Variants in KDM1B observed in about 807,000 individuals in gnomAD.
The protein encoded by KDM1B is lysine demethylase 1B, also known as lysine-specific histone demethylase 2.
KDM1B carries 63 observed loss-of-function variants against 107.4 expected under a neutral mutation model. The ratio of observed to expected loss-of-function variants is 0.59; its 90% CI spans 0.48 to 0.72. The LOEUF is 0.72. Among genes scored for constraint, KDM1B ranks in the 30% least tolerant of loss-of-function variants. The pLI is 0.00. For missense variants in KDM1B, 749 were observed against 1,020.8 expected, an observed-to-expected ratio of 0.73 and a Z score of 3.63; for synonymous variants, 363 against 363.9, an observed-to-expected ratio of 1.00 and a Z score of 0.03.
At chr6:18,165,087 T>C (rs1785206638) in intron 5 of KDM1B, among the ~76,000 whole-genome samples, 2 of 151,736 alleles carry the variant, frequency 1.3e-5, no homozygotes, top group South Asian at 4.2e-4. Context: ...GTTTTCCATA[T>C]GGTGCATTTT....
At chr6:18,221,093 C>T (rs1582233110) in intron 21 of KDM1B, among the ~76,000 whole-genome samples, 1 of 151,980 alleles carries the variant, frequency 6.6e-6, no homozygotes, top group Non-Finnish European at 1.5e-5. Flanking sequence ...ACTTTCTCCC[C>T]CCACTAGTCA....
rs1786983964 is a variant in KDM1B, at chr6:18,187,922, C to G, written c.704C>G (p.Thr235Ser). ...PDCVGMSPSC[T>S]STNRAAATGN... ...TGTGTTGGCATGAGCCCCTCCTGCA[C>G]CAGCACAAACCGCGCCGCTGCCACT... Residue 235 changes from threonine to serine, a missense_variant, in exon 9 of 22, where the codon ACC becomes AGC. By Grantham distance (58) the Thr-to-Ser change is moderately conservative. Coordinates refer to ENST00000650836, the MANE Select transcript of KDM1B (RefSeq NM_001364614.2). The G allele has an allele frequency of 6.5e-7, 1 of 1,550,328 alleles. No homozygotes were observed.
At position 18,213,629 on chromosome 6, in the gene KDM1B, A is replaced by AC. The variant is rs746066689; in HGVS notation, c.1984-25dup. On this transcript the variant is annotated intron_variant, in intron 18 of 21. Coordinates refer to ENST00000650836, the MANE Select transcript of KDM1B (RefSeq NM_001364614.2). The surrounding 1 kb of genome is among the most constrained non-coding windows in gnomAD (Gnocchi z 5.9). Reference sequence around the variant, plus strand: ...GTGGTTTTGTGACGACAGACACCTAACCACCTTTCTTCTGCTCACTTTGCA... The same window carrying AC: ...GTGGTTTTGTGACGACAGACACCTAACCCACCTTTCTTCTGCTCACTTTGCA... 6 of 1,613,464 alleles carry AC rather than the reference A, an allele frequency of 3.7e-6. No homozygotes were observed. The South Asian group carries it at 5.5e-5, about 15-fold the overall frequency.
At chr6:18,169,925 T>G (rs753186192) in intron 6 of KDM1B, among the ~76,000 whole-genome samples, 6 of 152,142 alleles carry the variant, frequency 3.9e-5, no homozygotes, top group South Asian at 2.1e-4. Context: ...TATTTATTTT[T>G]TTGAGACAGA....
At chr6:18,188,327 T>G (rs2150920838) in intron 9 of KDM1B, among the ~76,000 whole-genome samples, 1 of 152,294 alleles carries the variant, frequency 6.6e-6, no homozygotes, top group Non-Finnish European at 1.5e-5. Flanking sequence ...AGTCACATCA[T>G]TTGTGTATAG....
chr6:18,201,567 A>G lies in KDM1B; in HGVS notation c.1441A>G (p.Lys481Glu). The G allele has an allele frequency of 2.6e-6, 4 of 1,550,208 alleles. No homozygotes were observed. Among genetic ancestry groups the G allele is most frequent in the Non-Finnish European group, 3.5e-6 (4 of 1,146,592 alleles). ...AAGAATAACTGACCCCACTATTGAC[A>G]AGCGCATGGATTTTCATTTTAATGC... ...GGRITDPTIDKRMDFHFNALL... is the reference protein window; with the variant it reads ...GGRITDPTIDERMDFHFNALL... The change falls in exon 14 of 22, where the codon AAG becomes GAG. Residue 481 changes from lysine (K) to glutamate (E), a missense_variant. Lys to Glu is a moderately conservative substitution (Grantham distance 56). Transcript: ENST00000650836. The surrounding 1 kb of genome is among the most constrained non-coding windows in gnomAD (Gnocchi z 4.3).
At chr6:18,171,034 A>T (rs900292639) in intron 6 of KDM1B, among the ~76,000 whole-genome samples, 5 of 152,028 alleles carry the variant, frequency 3.3e-5, no homozygotes, top group Middle Eastern at 3.4e-3. Flanking sequence ...GTTAGCCAGG[A>T]TGGTCTGGAT....
chr6:18,212,191 C>T lies in KDM1B; in HGVS notation c.1867-297C>T, dbSNP rs1219360833. The T allele has an allele frequency of 1.1e-5, 3 of 284,958 alleles. No homozygotes were observed. The highest frequency in any genetic ancestry group is 4.3e-5 in the South Asian group (1 of 23,274). 17.7% of individuals were successfully genotyped at this position (284,958 alleles called of 1,614,324 possible). A position where few individuals can be genotyped will look rare whatever the true frequency, so the allele number is the denominator to read the frequency against. ...AACTCCTGACCTCAGGTGATCCACC[C>T]GCCTCGGCCTCTCAAAGTGCTGGGA... On this transcript the variant is annotated intron_variant, in intron 17 of 21. Coordinates refer to ENST00000650836, the MANE Select transcript of KDM1B (RefSeq NM_001364614.2). This position sits in a 1 kb window ranked among gnomAD's most constrained non-coding sequence, Gnocchi z 5.2.
intron 7 of KDM1B, among the ~76,000 whole-genome samples, chr6:18,183,050 A>G (rs979405780): frequency 1.3e-5 from 2 of 152,140 alleles, no homozygotes; most frequent in Non-Finnish European, 2.9e-5. Flanking sequence ...CTATTGTTTT[A>G]ATGTGAAATA....
intron 6 of KDM1B, among the ~76,000 whole-genome samples, chr6:18,170,589 TCTCACCTCAGCCTC>T (rs1315498505): frequency 1.3e-5 from 2 of 151,754 alleles, no homozygotes; most frequent in Admixed American, 1.3e-4. Context: ...CAAGCCATCC[TCTCACCTCAGCCTC>T]CTGAGTAGCT....
chr6:18,187,167 G>A (rs1200231969), intron 8 of KDM1B, among the ~76,000 whole-genome samples: 1 of 152,102 alleles, frequency 6.6e-6, no homozygotes, highest in Non-Finnish European at 1.5e-5. Flanking sequence ...AGAAGGCTCT[G>A]ATTTGATGAC....
chr6:18,161,423 T>C lies in KDM1B; in HGVS notation c.184T>C (p.Cys62Arg), dbSNP rs1310049200. ...TGAAAAGGCAGGCTGTACGGCAACA[T>C]GTCCTGTGTGCTTTGCAAGTGCTTC... ...KCEKAGCTAT[C>R]PVCFASASER... The change falls in exon 4 of 22, where the codon TGT becomes CGT. Residue 62 changes from cysteine to arginine, a missense_variant. Coordinates refer to ENST00000650836, the MANE Select transcript of KDM1B (RefSeq NM_001364614.2). 1.2e-6 allele frequency: 2 copies of C among 1,614,118 alleles called. No homozygotes were observed. The highest frequency in any genetic ancestry group is 1.1e-5 in the South Asian group (1 of 91,078).
chr6:18,196,029 C>G (rs1195134608), intron 10 of KDM1B, among the ~76,000 whole-genome samples: 3 of 152,108 alleles, frequency 2.0e-5, no homozygotes, highest in Non-Finnish European at 4.4e-5. Flanking sequence ...ATTCTACTTT[C>G]TGCTTCTGTG....
rs1784845550 is a variant in KDM1B, at chr6:18,159,712, A to G, written c.-13-171A>G. On this transcript the variant is annotated intron_variant, in intron 2 of 21. Transcript: ENST00000650836. This position sits in a 1 kb window ranked among gnomAD's most constrained non-coding sequence, Gnocchi z 4.5. Reference sequence around the variant, plus strand: ...CGCTTGAGCCCAGGAGTTCCAGGCTAGCCTGGGCAACATGGCAAGAATGTC... The same window carrying G: ...CGCTTGAGCCCAGGAGTTCCAGGCTGGCCTGGGCAACATGGCAAGAATGTC... Among the ~76,000 whole-genome samples, 1 of 152,204 alleles carries G rather than the reference A, an allele frequency of 6.6e-6. No homozygotes were observed. Among genetic ancestry groups the G allele is most frequent in the African/African-American group, 2.4e-5 (1 of 41,464 alleles).
At position 18,200,422 on chromosome 6, in the gene KDM1B, A is replaced by T. The variant is rs373889508; in HGVS notation, c.1222-17A>T. Reference sequence around the variant, plus strand: ...TCTTGTGTCCTATTTAGCTTCCCTGACTGTCTGTCTTTTTAGGTGACTGTC... The same window carrying T: ...TCTTGTGTCCTATTTAGCTTCCCTGTCTGTCTGTCTTTTTAGGTGACTGTC... On this transcript the variant is annotated splice_polypyrimidine_tract_variant and intron_variant, in intron 12 of 21. Transcript: ENST00000650836. This position sits in a 1 kb window ranked among gnomAD's most constrained non-coding sequence, Gnocchi z 4.3. 6.2e-7 allele frequency: 1 copy of T among 1,612,230 alleles called. No individual in the cohort carries two copies. The highest frequency in any genetic ancestry group is 2.2e-5 in the East Asian group (1 of 44,828).
At chr6:18,165,764 G>C (rs185588740) in intron 5 of KDM1B, among the ~76,000 whole-genome samples, 2 of 152,356 alleles carry the variant, frequency 1.3e-5, no homozygotes, top group African/African-American at 4.8e-5. Flanking sequence ...GGAGGTTGCA[G>C]TGAGCCAAGA....
At chr6:18,182,194 T>A (rs1215717253) in intron 7 of KDM1B, among the ~76,000 whole-genome samples, 1 of 152,144 alleles carries the variant, frequency 6.6e-6, no homozygotes, top group Non-Finnish European at 1.5e-5. Flanking sequence ...ATAGTCTTTT[T>A]AAATTCCAAT....
Position 18,214,599 on chromosome 6 carries a change from G to A in KDM1B, c.2110-408G>A, listed in dbSNP as rs1283014097. ...CGGATAAGGGACAGCCAGAAATAGTGACATTTAACTTGTGAGAGTGAGGCT... is the reference window on the plus strand; with the variant it reads ...CGGATAAGGGACAGCCAGAAATAGTAACATTTAACTTGTGAGAGTGAGGCT... On this transcript the variant is annotated intron_variant, in intron 19 of 21. Coordinates refer to ENST00000650836, the MANE Select transcript of KDM1B (RefSeq NM_001364614.2). The surrounding 1 kb of genome is among the most constrained non-coding windows in gnomAD (Gnocchi z 4.4). Among the ~76,000 whole-genome samples, 1 of 152,168 alleles carries A rather than the reference G, an allele frequency of 6.6e-6. No homozygotes were observed. Among genetic ancestry groups the A allele is most frequent in the African/African-American group, 2.4e-5 (1 of 41,448 alleles).
intron 10 of KDM1B, among the ~76,000 whole-genome samples, chr6:18,192,389 GA>G (rs1787337180): frequency 1.3e-5 from 2 of 152,194 alleles, no homozygotes; most frequent in Admixed American, 6.5e-5. Flanking sequence ...ACTAAAGAAA[GA>G]TATGCCAGTT....
Sources: allele counts gnomAD v4.1 joint callset (sites outside exome capture counted in the v4.1 genomes callset), GRCh38; gene constraint gnomAD v4.1.1; non-coding constraint Gnocchi (gnomAD v3.1); transcripts MANE v1.5; gene names NCBI Gene and HGNC (gene_info 2026-07-23, HGNC 2026-07-21).